Variants in MRPL34 observed in about 807,000 individuals in gnomAD.
The protein encoded by MRPL34 is large ribosomal subunit protein bL34m.
A neutral mutation model predicts 6.7 loss-of-function variants in MRPL34; 8 were observed. The observed-to-expected ratio is 1.20, with a 90% confidence interval of 0.70 to 2.16. The LOEUF (loss-of-function observed/expected upper bound fraction) is 2.16, where lower values mean the gene tolerates loss of function less well. MRPL34 is among the 30% of genes most tolerant of loss of function. The probability of loss-of-function intolerance (pLI) is 0.00; values close to 1 mark genes in which losing one functional copy is unlikely to be tolerated. For missense variants in MRPL34, 146 were observed against 125.5 expected, an observed-to-expected ratio of 1.16 and a Z score of -0.78; for synonymous variants, 59 against 55.1, an observed-to-expected ratio of 1.07 and a Z score of -0.31.
At chr19:17,294,962 C>CTCAATTT (rs1473751565) in intron 1 of MRPL34, 14 of 1,288,608 alleles carry the variant, frequency 1.1e-5, no homozygotes, top group African/African-American at 3.0e-5. Context: ...TTTACTCTGT[C>CTCAATTT]CCCCAGGCTG....
upstream of MRPL34, among the ~76,000 whole-genome samples, chr19:17,304,856 A>C (rs1296223505): frequency 6.6e-6 from 1 of 151,960 alleles, no homozygotes; most frequent in Non-Finnish European, 1.5e-5. Context: ...ATCATTGCTC[A>C]CTACAGCCTG....
At chr19:17,297,239 G>A (rs1343415922) in intron 1 of MRPL34, among the ~76,000 whole-genome samples, 1 of 152,136 alleles carries the variant, frequency 6.6e-6, no homozygotes, top group Non-Finnish European at 1.5e-5. Context: ...TAAATGTGCT[G>A]ACCTAATAGC....
chr19:17,299,778 T>C (rs1409915061), upstream of MRPL34, among the ~76,000 whole-genome samples: 1 of 151,704 alleles, frequency 6.6e-6, no homozygotes, highest in Non-Finnish European at 1.5e-5. Flanking sequence ...GGAGAAAAAT[T>C]AGGATTTTTG....
exon 1 of MRPL34, chr19:17,292,845 A>T (rs1346232334): frequency 2.5e-6 from 4 of 1,608,224 alleles, no homozygotes; most frequent in Non-Finnish European, 3.4e-6. Flanking sequence ...CAGAAGACGC[A>T]GGGCTCAAGG....
At chr19:17,294,898 A>T (rs1180430663) in intron 1 of MRPL34, 1 of 1,586,162 alleles carries the variant, frequency 6.3e-7, no homozygotes, top group African/African-American at 1.3e-5. Flanking sequence ...GGTCAGCAGG[A>T]TACAAGCAGT....
upstream of MRPL34, chr19:17,300,983 C>T (rs1356615950): frequency 3.7e-6 from 6 of 1,613,328 alleles, no homozygotes; most frequent in Non-Finnish European, 4.2e-6. Context: ...GCCCCGTGGC[C>T]GGCCAGGTCA....
At chr19:17,304,027 G>A (rs553930368), upstream of MRPL34, among the ~76,000 whole-genome samples, 3 of 151,640 alleles carry the variant, frequency 2.0e-5, no homozygotes, top group South Asian at 4.2e-4. Flanking sequence ...CTCGAACTCT[G>A]GGCATCAAGC....
upstream of MRPL34, chr19:17,300,934 T>C (rs780799086): frequency 6.2e-7 from 1 of 1,613,246 alleles, no homozygotes; most frequent in African/African-American, 1.3e-5. Flanking sequence ...AGCCAGCGCA[T>C]AGAAGGTGTA....
upstream of MRPL34, among the ~76,000 whole-genome samples, chr19:17,303,671 G>C (rs564944295): frequency 6.6e-6 from 1 of 152,306 alleles, no homozygotes; most frequent in South Asian, 2.1e-4. Context: ...CTGGGAGTGT[G>C]CGGCCGGGGC....
exon 1 of MRPL34, chr19:17,292,811 C>T (rs751499183): frequency 6.2e-7 from 1 of 1,612,686 alleles, no homozygotes; most frequent in Admixed American, 1.7e-5. Flanking sequence ...CGATGAGCTT[C>T]AGGAATGCCA....
At chr19:17,299,398 AAAAAGAC>A (rs1441371469), upstream of MRPL34, among the ~76,000 whole-genome samples, 7 of 151,984 alleles carry the variant, frequency 4.6e-5, no homozygotes, top group Middle Eastern at 3.4e-3. Context: ...CGTCTGTACT[AAAAAGAC>A]AAAAAATTAG....
intron 1 of MRPL34, chr19:17,294,767 A>T: frequency 6.2e-7 from 1 of 1,614,134 alleles, no homozygotes; most frequent in Non-Finnish European, 8.5e-7. Context: ...CCAGCGCCGT[A>T]GGGCCCCCGC....
chr19:17,304,122 G>A (rs2074135168), upstream of MRPL34, among the ~76,000 whole-genome samples: 1 of 152,228 alleles, frequency 6.6e-6, no homozygotes, highest in African/African-American at 2.4e-5. Flanking sequence ...TTCAAGGAAA[G>A]TCTTGGAGCT....
upstream of MRPL34, chr19:17,301,376 G>A (rs747176177): frequency 4.4e-5 from 71 of 1,611,058 alleles, no homozygotes; most frequent in Admixed American, 2.5e-4. Flanking sequence ...ACGGTGATCC[G>A]GCGCTGACAG....
upstream of MRPL34, chr19:17,301,174 C>T (rs756925739): frequency 3.7e-6 from 6 of 1,607,384 alleles, no homozygotes; most frequent in South Asian, 4.4e-5. Context: ...GGCTCGCCGC[C>T]GCCGCCCACC....
At chr19:17,293,197 G>A (rs1264139605) in intron 1 of MRPL34, among the ~76,000 whole-genome samples, 1 of 150,388 alleles carries the variant, frequency 6.6e-6, no homozygotes, top group African/African-American at 2.4e-5. Context: ...CCGGCTTCAA[G>A]CGATTCTCTT....
chr19:17,297,367 C>T (rs1226330601), intron 1 of MRPL34, among the ~76,000 whole-genome samples: 1 of 152,108 alleles, frequency 6.6e-6, no homozygotes, highest in Non-Finnish European at 1.5e-5. Flanking sequence ...GCGATCTCGG[C>T]TCACTGCAAC....
intron 1 of MRPL34, among the ~76,000 whole-genome samples, chr19:17,293,255 C>T (rs1013057486): frequency 9.2e-5 from 14 of 151,820 alleles, no homozygotes; most frequent in African/African-American, 3.4e-4. Context: ...GCCACTACAC[C>T]CGGCTAATTT....
intron 1 of MRPL34, chr19:17,297,744 C>CTTTTTTTTTTTTTTTTT (rs71334702): frequency 1.5e-5 from 2 of 130,256 alleles, no homozygotes; most frequent in Non-Finnish European, 3.3e-5. Flanking sequence ...GTTTTCTTTT[C>CTTTTTTTTTTTTTTTTT]TTTTTTTTTT....
Sources: gnomAD v4.1 joint callset for allele counts (sites outside exome capture counted in the v4.1 genomes callset) on GRCh38, gnomAD v4.1.1 for gene constraint, MANE v1.5 for transcripts, NCBI Gene and HGNC (gene_info 2026-07-23, HGNC 2026-07-21) for gene names.